LRRTM4: variants seen among roughly 807,000 people sequenced by gnomAD.
LRRTM4 encodes the protein leucine-rich repeat transmembrane neuronal protein 4.
Under a neutral mutation model 47.6 loss-of-function variants are expected in LRRTM4, and 25 were observed. The ratio of observed to expected loss-of-function variants is 0.53; its 90% CI spans 0.38 to 0.73. The LOEUF is 0.73. Ranked by LOEUF, LRRTM4 falls within the 30% of genes least tolerant of loss-of-function variation. The probability of loss-of-function intolerance (pLI) is 0.00; values close to 1 mark genes in which losing one functional copy is unlikely to be tolerated. For missense variants in LRRTM4, 638 were observed against 713.4 expected (o/e 0.89, Z 1.20); for synonymous variants, 311 against 269.5 (o/e 1.15, Z -1.51).
intron 3 of LRRTM4, among the ~76,000 whole-genome samples, chr2:77,134,642 T>G (rs1330832753): frequency 6.6e-6 from 1 of 152,184 alleles, no homozygotes; most frequent in Non-Finnish European, 1.5e-5. Flanking sequence ...TTAATATTTT[T>G]TACTATTTTA....
At chr2:77,183,245 AC>A (rs1419633045) in intron 3 of LRRTM4, among the ~76,000 whole-genome samples, 13 of 152,184 alleles carry the variant, frequency 8.5e-5, no homozygotes, top group African/African-American at 2.9e-4. Context: ...CAACAAAAAA[AC>A]AACCCCATCA....
intron 3 of LRRTM4, among the ~76,000 whole-genome samples, chr2:76,979,366 A>C (rs1169466026): frequency 6.6e-6 from 1 of 151,976 alleles, no homozygotes; most frequent in African/African-American, 2.4e-5. Flanking sequence ...TAGGTTTTAC[A>C]TACTAAACAG....
chr2:77,127,610 T>C (rs1376442706), intron 3 of LRRTM4, among the ~76,000 whole-genome samples: 1 of 152,134 alleles, frequency 6.6e-6, no homozygotes, highest in African/African-American at 2.4e-5. Context: ...CTCTTCTCTC[T>C]CTCTCCCTCT....
At chr2:77,225,051 C>T (rs1455929977) in intron 3 of LRRTM4, among the ~76,000 whole-genome samples, 1 of 151,992 alleles carries the variant, frequency 6.6e-6, no homozygotes, top group Non-Finnish European at 1.5e-5. Context: ...ATGATGAGTT[C>T]ATGCCCTTTG....
At chr2:76,990,534 T>C (rs903246657) in intron 3 of LRRTM4, among the ~76,000 whole-genome samples, 5 of 151,256 alleles carry the variant, frequency 3.3e-5, no homozygotes, top group East Asian at 1.9e-4. Context: ...AAACCAACAA[T>C]AGTAAAAAAG....
chr2:76,840,795 A>G (rs891308069), intron 3 of LRRTM4, among the ~76,000 whole-genome samples: 3 of 152,094 alleles, frequency 2.0e-5, no homozygotes, highest in African/African-American at 4.8e-5. Context: ...GAGAGGATGT[A>G]GAGAAATAGG....
intron 3 of LRRTM4, among the ~76,000 whole-genome samples, chr2:76,797,009 G>T (rs1675369884): frequency 6.6e-6 from 1 of 152,048 alleles, no homozygotes; most frequent in Admixed American, 6.5e-5. Flanking sequence ...TGAAAGTGAT[G>T]GGGAGAATGC....
chr2:77,199,766 A>T (rs1673924635), intron 3 of LRRTM4, among the ~76,000 whole-genome samples: 1 of 152,152 alleles, frequency 6.6e-6, no homozygotes, highest in African/African-American at 2.4e-5. Context: ...GCTGTTTAAA[A>T]AGAAGGCTTC....
chr2:77,241,716 A>ACTT (rs1558649104), intron 3 of LRRTM4, among the ~76,000 whole-genome samples: 3 of 152,092 alleles, frequency 2.0e-5, no homozygotes. Flanking sequence ...TAATATATTC[A>ACTT]CTTTATTGAG....
intron 3 of LRRTM4, among the ~76,000 whole-genome samples, chr2:77,192,845 G>A (rs192098115): frequency 8.5e-5 from 13 of 152,236 alleles, no homozygotes; most frequent in African/African-American, 3.1e-4. Context: ...AGAATTTTTC[G>A]AAAGAATATC....
intron 3 of LRRTM4, among the ~76,000 whole-genome samples, chr2:76,912,210 C>A (rs1210682586): frequency 6.6e-6 from 1 of 152,088 alleles, no homozygotes; most frequent in Non-Finnish European, 1.5e-5. Context: ...TGAGCCACCG[C>A]CCCTGGCCGA....
At chr2:76,904,177 T>G (rs1673740376) in intron 3 of LRRTM4, among the ~76,000 whole-genome samples, 2 of 152,220 alleles carry the variant, frequency 1.3e-5, no homozygotes. Context: ...TTAAATTCAG[T>G]GCTTGTTCTG....
intron 3 of LRRTM4, among the ~76,000 whole-genome samples, chr2:76,884,440 AAGAC>A (rs1233193414): frequency 6.6e-6 from 1 of 152,198 alleles, no homozygotes; most frequent in African/African-American, 2.4e-5. Context: ...CTAAATTCCA[AAGAC>A]AGACAGATGT....
chr2:77,085,826 A>G (rs1056002838), intron 3 of LRRTM4, among the ~76,000 whole-genome samples: 1 of 152,198 alleles, frequency 6.6e-6, no homozygotes, highest in Non-Finnish European at 1.5e-5. Context: ...TAAAATATAT[A>G]GAGCTAAAAT....
intron 3 of LRRTM4, among the ~76,000 whole-genome samples, chr2:77,322,020 T>A (rs1192377458): frequency 6.6e-6 from 1 of 152,174 alleles, no homozygotes; most frequent in Non-Finnish European, 1.5e-5. Flanking sequence ...GGTAAAAGGT[T>A]TTTACTTTTT....
intron 3 of LRRTM4, among the ~76,000 whole-genome samples, chr2:77,383,840 C>CAA (rs1281977240): frequency 2.0e-5 from 3 of 152,000 alleles, no homozygotes; most frequent in Non-Finnish European, 4.4e-5. Context: ...AATAAGACCT[C>CAA]AAAGACCTCA....
At chr2:76,955,481 G>A (rs979502597) in intron 3 of LRRTM4, among the ~76,000 whole-genome samples, 27 of 151,628 alleles carry the variant, frequency 1.8e-4, no homozygotes, top group South Asian at 4.2e-4. Flanking sequence ...AAATGAGAAA[G>A]GAATCAAAGT....
intron 3 of LRRTM4, among the ~76,000 whole-genome samples, chr2:76,853,672 A>C (rs1672063345): frequency 1.3e-5 from 2 of 152,186 alleles, no homozygotes; most frequent in African/African-American, 4.8e-5. Context: ...AAAGATCTTG[A>C]AAGTTGTATT....
At chr2:77,295,744 T>G (rs1676955267) in intron 3 of LRRTM4, among the ~76,000 whole-genome samples, 1 of 152,146 alleles carries the variant, frequency 6.6e-6, no homozygotes, top group Non-Finnish European at 1.5e-5. Flanking sequence ...CACGTTGTCT[T>G]TCTTCTCTAT....
Sources: allele counts gnomAD v4.1 joint callset (sites outside exome capture counted in the v4.1 genomes callset), GRCh38; gene constraint gnomAD v4.1.1; transcripts MANE v1.5; gene names NCBI Gene and HGNC (gene_info 2026-07-23, HGNC 2026-07-21).